The following GIGYF2 variants were observed in gnomAD, a reference collection of about 807,000 sequenced individuals.
GIGYF2 encodes GRB10 interacting GYF protein 2.
GIGYF2 carries 25 observed loss-of-function variants against 208.1 expected under a neutral mutation model. The observed-to-expected ratio is 0.12, with a 90% CI of 0.09 to 0.17. The LOEUF (loss-of-function observed/expected upper bound fraction) is 0.17, where lower values mean the gene tolerates loss of function less well. GIGYF2 is among the 10% of genes least tolerant of loss of function. GIGYF2 has a pLI of 1.00. For missense variants in GIGYF2, 1,302 were observed against 1,579.4 expected, an observed-to-expected ratio of 0.82 and a Z score of 2.98; for synonymous variants, 534 against 543.8, an observed-to-expected ratio of 0.98 and a Z score of 0.25.
chr2:232,820,112 C>A, intron 21 of GIGYF2, 127 bp downstream of exon 21: 1 of 899,030 alleles, frequency 1.1e-6, no homozygotes, highest in Non-Finnish European at 1.8e-6. Context: ...CCAAAAGAAA[C>A]CTAACTGGCT....
chr2:232,809,502 A>AGG (rs1261806584), intron 15 of GIGYF2, among the ~76,000 whole-genome samples: 1 of 152,196 alleles, frequency 6.6e-6, no homozygotes, highest in African/African-American at 2.4e-5. Context: ...TTCTCACCTT[A>AGG]GGGAATCTTT....
chr2:232,704,075 C>CT (rs1695974959), intron 2 of GIGYF2, among the ~76,000 whole-genome samples: 1 of 152,084 alleles, frequency 6.6e-6, no homozygotes, highest in South Asian at 2.1e-4. Context: ...GCTGGTTGAA[C>CT]TTGGTTCGGT....
intron 3 of GIGYF2, 65 bp downstream of exon 3, chr2:232,735,303 A>G: frequency 8.9e-7 from 1 of 1,124,286 alleles, no homozygotes; most frequent in Non-Finnish European, 1.4e-6. Context: ...AGTATTTGAC[A>G]GGTGCTAGGT....
intron 15 of GIGYF2, among the ~76,000 whole-genome samples, chr2:232,807,873 T>G (rs1251303473): frequency 6.6e-6 from 1 of 152,170 alleles, no homozygotes; most frequent in African/African-American, 2.4e-5. Flanking sequence ...ACCCAGCCAA[T>G]AAACCTTTAG....
chr2:232,757,104 A>G (rs1450600722), intron 6 of GIGYF2, among the ~76,000 whole-genome samples: 3 of 152,210 alleles, frequency 2.0e-5, no homozygotes, highest in Admixed American at 1.3e-4. Context: ...GTCTCTGCAT[A>G]TTGTACCACC....
At chr2:232,856,325 T>C (rs2106438514) in intron 28 of GIGYF2, among the ~76,000 whole-genome samples, 1 of 152,308 alleles carries the variant, frequency 6.6e-6, no homozygotes. Context: ...ATCTCTCTCA[T>C]TGGAAGAACA....
At chr2:232,756,449 A>G in intron 6 of GIGYF2, 115 bp downstream of exon 6, 2 of 589,828 alleles carry the variant, frequency 3.4e-6, no homozygotes, top group Admixed American at 3.3e-5. Context: ...CATTAACTGC[A>G]TACTAAATGT....
rs975169160 is a variant in GIGYF2 at position 232,806,882 on chromosome 2, C to T, written c.1806+225C>T. 1.3e-5 allele frequency among the ~76,000 whole-genome samples: 2 copies of T among 152,180 alleles called. No individual in the cohort carries two copies. Among genetic ancestry groups the T allele is most frequent in the Admixed American group, 1.3e-4 (2 of 15,270 alleles). ...TCCTCTTCACACCCCAGCTCCTCCC[C>T]AACAGGGAAACGGAATCCTTCAGTA... On this transcript the variant is annotated intron_variant, in intron 15 of 28. Transcript: ENST00000373563. The surrounding 1 kb of genome is among the most constrained non-coding windows in gnomAD (Gnocchi z 4.0).
In GIGYF2 at chr2:232,806,531, G is replaced by C. The variant is rs142567233; in HGVS notation, c.1680G>C (p.Ala560=). The change falls in exon 15 of 29, where the codon GCG becomes GCC. Residue 560 remains alanine, a synonymous_variant. Coordinates refer to ENST00000373563, the MANE Select transcript of GIGYF2 (RefSeq NM_001103146.3). This position sits in a 1 kb window ranked among gnomAD's most constrained non-coding sequence, Gnocchi z 4.0. ...AGGAGATGGCAGAATGGTTTCAGGCGGGCTATTTTACTATGTCTTTATTGG... is the reference window on the plus strand; with the variant it reads ...AGGAGATGGCAGAATGGTTTCAGGCCGGCTATTTTACTATGTCTTTATTGG... ...NNQEMAEWFQ[A]GYFTMSLLVK... 5.0e-6 allele frequency: 8 copies of C among 1,610,162 alleles called. No homozygotes were observed. Among genetic ancestry groups the C allele is most frequent in the Non-Finnish European group, 6.0e-6 (7 of 1,176,454 alleles).
At chr2:232,733,087 T>C (rs1574815094) in intron 2 of GIGYF2, among the ~76,000 whole-genome samples, 1 of 152,134 alleles carries the variant, frequency 6.6e-6, no homozygotes, top group East Asian at 1.9e-4. Flanking sequence ...AAACCTTGTC[T>C]CTACTAAAAA....
intron 28 of GIGYF2, 114 bp downstream of exon 28, chr2:232,850,523 C>A: frequency 2.0e-6 from 2 of 1,018,546 alleles, no homozygotes; most frequent in Non-Finnish European, 3.0e-6. Context: ...TTCTTTTTAT[C>A]AATAACTAAT....
intron 21 of GIGYF2, among the ~76,000 whole-genome samples, chr2:232,823,497 C>T (rs1701161040): frequency 6.6e-6 from 1 of 151,798 alleles, no homozygotes; most frequent in Non-Finnish European, 1.5e-5. Flanking sequence ...GGGCCACATG[C>T]TCATGCCACC....
intron 2 of GIGYF2, among the ~76,000 whole-genome samples, chr2:232,716,168 A>G (rs1559378748): frequency 2.0e-5 from 3 of 151,978 alleles, no homozygotes; most frequent in Non-Finnish European, 2.9e-5. Flanking sequence ...GTCTTTTACT[A>G]TTATAAGTAA....
intron 9 of GIGYF2, among the ~76,000 whole-genome samples, chr2:232,789,832 C>G (rs1391369603): frequency 6.6e-6 from 1 of 151,932 alleles, no homozygotes; most frequent in East Asian, 1.9e-4. Flanking sequence ...AAGAGTTTCC[C>G]TTTCTTTTTT....
At chr2:232,733,182 G>A (rs1412285244) in intron 2 of GIGYF2, among the ~76,000 whole-genome samples, 2 of 151,608 alleles carry the variant, frequency 1.3e-5, no homozygotes, top group East Asian at 2.0e-4. Flanking sequence ...GTGTGAACCC[G>A]GGAGGCGGAG....
chr2:232,704,856 A>ATTTTTTTTTTTTTTT (rs10689292), intron 2 of GIGYF2, among the ~76,000 whole-genome samples: 3 of 101,958 alleles, frequency 2.9e-5, no homozygotes, highest in Non-Finnish European at 5.5e-5. Flanking sequence ...TAACTTCTGG[A>ATTTTTTTTTTTTTTT]TTTTTTTTTT....
chr2:232,762,000 A>C (rs1698757983), intron 8 of GIGYF2, among the ~76,000 whole-genome samples: 1 of 151,660 alleles, frequency 6.6e-6, no homozygotes, highest in Non-Finnish European at 1.5e-5. Flanking sequence ...ATTTGTATTT[A>C]AATACATAAT....
Position 232,756,353 on chromosome 2 carries a change from A to T in GIGYF2, c.379+19A>T, listed in dbSNP as rs1213949062. On this transcript the variant is annotated intron_variant, in intron 6 of 28. Transcript: ENST00000373563. ...GGGCGAGGTGAGCTTTCATATGAAA[A>T]AAGTAATAATGGAGGAGGAGGAGGA... is the stretch of plus-strand genomic sequence containing the variant. 7.7e-7 allele frequency: 1 copy of T among 1,296,204 alleles called. No individual in the cohort carries two copies. Among genetic ancestry groups the T allele is most frequent in the South Asian group, 1.3e-5 (1 of 75,872 alleles). The allele number at this position is 1,296,204 out of a possible 1,614,324, so 80.3% of individuals were successfully genotyped here.
intron 8 of GIGYF2, among the ~76,000 whole-genome samples, chr2:232,778,091 C>T (rs60567011): frequency 0.022 from 3,282 of 151,980 alleles, 125 homozygotes; most frequent in African/African-American, 0.075. Flanking sequence ...GTAATGCCAC[C>T]ACATCTGGCT....
Sources: gnomAD v4.1 joint callset for allele counts (sites outside exome capture counted in the v4.1 genomes callset) on GRCh38, gnomAD v4.1.1 for gene constraint, Gnocchi (gnomAD v3.1) non-coding constraint, MANE v1.5 for transcripts, NCBI Gene and HGNC (gene_info 2026-07-23, HGNC 2026-07-21) for gene names.